Variants in LSAMP observed in about 807,000 individuals in gnomAD.
LSAMP encodes limbic system-associated membrane protein.
Under a neutral mutation model 38.6 loss-of-function variants are expected in LSAMP, and 7 were observed. The observed-to-expected ratio is 0.18, with a 90% CI of 0.10 to 0.34. LSAMP has a LOEUF of 0.34. LSAMP is among the 10% of genes least tolerant of loss of function. The pLI, the probability that LSAMP is intolerant of heterozygous loss-of-function variation, is 1.00. For missense variants in LSAMP, 313 were observed against 420.0 expected (o/e 0.75, Z 2.23); for synonymous variants, 154 against 166.8 (o/e 0.92, Z 0.59).
intron 3 of LSAMP, among the ~76,000 whole-genome samples, chr3:115,935,159 A>C (rs1937656660): frequency 6.6e-6 from 1 of 152,200 alleles, no homozygotes; most frequent in Non-Finnish European, 1.5e-5. Context: ...TGAAAGAAAA[A>C]GGTAACTCAA....
intron 3 of LSAMP, among the ~76,000 whole-genome samples, chr3:115,936,528 T>C (rs1404306759): frequency 6.6e-6 from 1 of 152,086 alleles, no homozygotes; most frequent in East Asian, 1.9e-4. Context: ...CTGGGAGTAA[T>C]GCTAGAAGGT....
At chr3:115,851,820 C>A (rs942662010) in intron 4 of LSAMP, among the ~76,000 whole-genome samples, 1 of 152,176 alleles carries the variant, frequency 6.6e-6, no homozygotes, top group African/African-American at 2.4e-5. Flanking sequence ...TGACACACAT[C>A]ATATAGATCC....
chr3:116,001,168 T>A (rs1229501768), intron 3 of LSAMP, among the ~76,000 whole-genome samples: 1 of 151,912 alleles, frequency 6.6e-6, no homozygotes, highest in Non-Finnish European at 1.5e-5. Flanking sequence ...AAGTGCTTTG[T>A]GGATCATACA....
At chr3:115,843,128 C>G (rs1379745339) in intron 4 of LSAMP, among the ~76,000 whole-genome samples, 1 of 152,152 alleles carries the variant, frequency 6.6e-6, no homozygotes, top group Non-Finnish European at 1.5e-5. Context: ...AGGTGACTAC[C>G]TTCTTTTATT....
intron 3 of LSAMP, among the ~76,000 whole-genome samples, chr3:115,976,207 C>G (rs1939184271): frequency 6.6e-6 from 1 of 152,146 alleles, no homozygotes; most frequent in South Asian, 2.1e-4. Context: ...TCACTGTCTA[C>G]TTAACTAAGT....
chr3:116,368,861 C>T (rs2048392988), intron 1 of LSAMP, among the ~76,000 whole-genome samples: 2 of 151,990 alleles, frequency 1.3e-5, no homozygotes, highest in Admixed American at 1.3e-4. Context: ...AGAAAACAAG[C>T]AGCATTTTAA....
intron 3 of LSAMP, among the ~76,000 whole-genome samples, chr3:115,929,779 C>T (rs1418374475): frequency 6.6e-6 from 1 of 151,818 alleles, no homozygotes; most frequent in Non-Finnish European, 1.5e-5. Flanking sequence ...ATAAAAGTGG[C>T]AAATTTCAAA....
intron 3 of LSAMP, among the ~76,000 whole-genome samples, chr3:115,972,827 C>A (rs1197588736): frequency 6.7e-6 from 1 of 149,922 alleles, no homozygotes; most frequent in Non-Finnish European, 1.5e-5. Context: ...TTTAGCATGA[C>A]AATGCATGTA....
chr3:115,938,660 G>A (rs565480056), intron 3 of LSAMP, among the ~76,000 whole-genome samples: 1 of 152,194 alleles, frequency 6.6e-6, no homozygotes, highest in South Asian at 2.1e-4. Flanking sequence ...TAAAATTCAG[G>A]TACGAAAGAA....
chr3:116,075,184 C>G (rs1707711114), intron 2 of LSAMP, among the ~76,000 whole-genome samples: 1 of 142,050 alleles, frequency 7.0e-6, no homozygotes, highest in African/African-American at 2.7e-5. Context: ...GTTGCCCAGG[C>G]TGGAGTGCAG....
chr3:116,207,137 T>G (rs989535902), intron 1 of LSAMP, among the ~76,000 whole-genome samples: 15 of 152,278 alleles, frequency 9.9e-5, no homozygotes, highest in Admixed American at 2.0e-4. Context: ...CTTGTTGAAT[T>G]GATCCCTTTA....
intron 6 of LSAMP, among the ~76,000 whole-genome samples, chr3:115,813,683 G>T (rs1933916148): frequency 6.6e-6 from 1 of 152,068 alleles, no homozygotes; most frequent in Non-Finnish European, 1.5e-5. Flanking sequence ...GTGGTAGTTG[G>T]GAAATCATCA....
At chr3:116,320,055 A>C (rs2047687228) in intron 1 of LSAMP, among the ~76,000 whole-genome samples, 1 of 152,206 alleles carries the variant, frequency 6.6e-6, no homozygotes, top group South Asian at 2.1e-4. Flanking sequence ...GTCAGACATT[A>C]GTGTTTCAGG....
At chr3:116,126,872 C>T (rs969249097) in intron 1 of LSAMP, among the ~76,000 whole-genome samples, 2 of 151,814 alleles carry the variant, frequency 1.3e-5, no homozygotes, top group Non-Finnish European at 2.9e-5. Flanking sequence ...AAAACAAAAA[C>T]AAAAACAAAA....
At chr3:115,911,634 G>A (rs1404849550) in intron 3 of LSAMP, among the ~76,000 whole-genome samples, 1 of 152,138 alleles carries the variant, frequency 6.6e-6, no homozygotes, top group Non-Finnish European at 1.5e-5. Context: ...GTGAGCTACC[G>A]TGCCTGGCCT....
intron 1 of LSAMP, among the ~76,000 whole-genome samples, chr3:116,396,272 T>C (rs2048766120): frequency 6.6e-6 from 1 of 152,192 alleles, no homozygotes; most frequent in Admixed American, 6.5e-5. Context: ...ATTTGAGACT[T>C]CCATACATAC....
chr3:116,336,344 A>C (rs978380062), intron 1 of LSAMP, among the ~76,000 whole-genome samples: 5 of 152,048 alleles, frequency 3.3e-5, no homozygotes, highest in Admixed American at 6.6e-5. Flanking sequence ...ATGGTAGAAA[A>C]TACTTGCAAT....
chr3:116,095,763 C>T (rs1708213375), intron 1 of LSAMP, among the ~76,000 whole-genome samples: 1 of 152,142 alleles, frequency 6.6e-6, no homozygotes, highest in South Asian at 2.1e-4. Context: ...AGGATCTTTC[C>T]AAGAGTCTGG....
intron 3 of LSAMP, among the ~76,000 whole-genome samples, chr3:115,952,429 G>GA (rs1475988642): frequency 2.0e-5 from 3 of 152,222 alleles, no homozygotes; most frequent in Admixed American, 2.0e-4. Flanking sequence ...AACCTGGATG[G>GA]AGTTGGAGAC....
Sources: allele counts gnomAD v4.1 joint callset (sites outside exome capture counted in the v4.1 genomes callset), GRCh38; gene constraint gnomAD v4.1.1; transcripts MANE v1.5; gene names NCBI Gene and HGNC (gene_info 2026-07-23, HGNC 2026-07-21).